CFAP20DC: variants seen among roughly 807,000 people sequenced by gnomAD.
CFAP20DC encodes the protein protein CFAP20DC.
A neutral mutation model predicts 101.7 loss-of-function variants in CFAP20DC; 84 were observed. The ratio of observed to expected loss-of-function variants is 0.83; its 90% CI spans 0.69 to 0.99. CFAP20DC has a LOEUF of 0.99. Ranked by LOEUF, CFAP20DC falls within the 50% of genes least tolerant of loss-of-function variation. The pLI is 0.00. For synonymous variants in CFAP20DC, 359 were observed against 351.2 expected, an observed-to-expected ratio of 1.02 and a Z score of -0.25; for missense variants, 1,007 against 970.3, an observed-to-expected ratio of 1.04 and a Z score of -0.50.
intron 16 of CFAP20DC, among the ~76,000 whole-genome samples, chr3:58,753,155 A>G (rs1284812973): frequency 6.6e-6 from 1 of 152,200 alleles, no homozygotes; most frequent in African/African-American, 2.4e-5. Context: ...CCAAACGAAC[A>G]CCTGGCAAAT....
intron 3 of CFAP20DC, among the ~76,000 whole-genome samples, chr3:58,718,666 G>T (rs993394591): frequency 3.3e-5 from 5 of 152,236 alleles, no homozygotes; most frequent in African/African-American, 1.2e-4. Flanking sequence ...CTCTCCATCT[G>T]TTTCCTTTGT....
chr3:58,730,032 A>G (rs533121174), intron 3 of CFAP20DC, among the ~76,000 whole-genome samples: 6 of 148,614 alleles, frequency 4.0e-5, no homozygotes, highest in South Asian at 2.1e-4. Context: ...AAAAAAAAAA[A>G]AAAAAAAGAA....
chr3:58,882,350 T>TGTCTTTAAATGTCTTA lies in CFAP20DC; in HGVS notation c.715+2194_715+2195insTAAGACATTTAAAGAC. Among the ~76,000 whole-genome samples the TGTCTTTAAATGTCTTA allele has an allele frequency of 6.6e-6, 1 of 152,196 alleles. No individual in the cohort carries two copies. The highest frequency in any genetic ancestry group is 1.5e-5 in the Non-Finnish European group (1 of 68,016). On this transcript the variant is annotated intron_variant, in intron 7 of 16. Transcript: ENST00000482387. This position sits in a 1 kb window ranked among gnomAD's most constrained non-coding sequence, Gnocchi z 4.2. Reference sequence around the variant, plus strand: ...AATTCCCATTTAATTTCACACATTATAAGTGTCCTTCAAATTTAAATTGAA... The same window carrying TGTCTTTAAATGTCTTA: ...AATTCCCATTTAATTTCACACATTATGTCTTTAAATGTCTTAAAGTGTCCTTCAAATTTAAATTGAA...
chr3:58,830,918 G>A (rs2076352236), intron 14 of CFAP20DC, among the ~76,000 whole-genome samples: 3 of 152,136 alleles, frequency 2.0e-5, no homozygotes, highest in East Asian at 1.9e-4. Flanking sequence ...TGAACTGTTC[G>A]ACTGTTGTTT....
At position 58,913,604 on chromosome 3, in the gene CFAP20DC, C is replaced by G; in HGVS notation, c.550+104G>C. ...CTGTTGACAAATTTACTTTAGCAGACATAACATCAAACTGCTACCACACAC... is the reference window on the plus strand; with the variant it reads ...CTGTTGACAAATTTACTTTAGCAGAGATAACATCAAACTGCTACCACACAC... On this transcript the variant is annotated intron_variant, in intron 6 of 16. Coordinates refer to ENST00000482387, the MANE Select transcript of CFAP20DC (RefSeq NM_001394063.1). The surrounding 1 kb of genome is among the most constrained non-coding windows in gnomAD (Gnocchi z 4.4). The G allele has an allele frequency of 1.8e-6, 2 of 1,124,502 alleles. No homozygotes were observed. Among genetic ancestry groups the G allele is most frequent in the Non-Finnish European group, 2.7e-6 (2 of 743,078 alleles). The allele number at this position is 1,124,502 out of a possible 1,614,324, so 69.7% of individuals were successfully genotyped here.
At chr3:58,857,969 A>T (rs1447203113) in intron 12 of CFAP20DC, among the ~76,000 whole-genome samples, 2 of 152,122 alleles carry the variant, frequency 1.3e-5, no homozygotes, top group East Asian at 3.9e-4. Flanking sequence ...TTTCTATATA[A>T]CATATAAATT....
intron 3 of CFAP20DC, among the ~76,000 whole-genome samples, chr3:59,044,987 GAC>G (rs57196071): frequency 0.095 from 13,259 of 139,296 alleles, 862 homozygotes; most frequent in East Asian, 0.36. Flanking sequence ...TCCTATTACA[GAC>G]ACACACACAC....
chr3:58,858,869 CTGT>C (rs2079035260), intron 12 of CFAP20DC, among the ~76,000 whole-genome samples: 1 of 152,144 alleles, frequency 6.6e-6, no homozygotes, highest in Non-Finnish European at 1.5e-5. Context: ...ATGTATACTT[CTGT>C]TGTTGACTAA....
At position 58,949,055 on chromosome 3, in the gene CFAP20DC, A is replaced by G. The variant is rs201926270; in HGVS notation, c.279-11293T>C. 3.3e-5 allele frequency among the ~76,000 whole-genome samples: 5 copies of G among 152,270 alleles called. No homozygotes were observed. In the East Asian group the frequency reaches 9.7e-4, roughly 29 times the overall value. On this transcript the variant is annotated intron_variant, in intron 4 of 16. Coordinates refer to ENST00000482387, the MANE Select transcript of CFAP20DC (RefSeq NM_001394063.1). ...GTCGAGGAATTTATCCATTTCTTCT[A>G]GATTTTCTAGTTTATTTGCGTAGAG...
At chr3:58,997,675 G>A (rs1253213230) in intron 4 of CFAP20DC, among the ~76,000 whole-genome samples, 1 of 152,170 alleles carries the variant, frequency 6.6e-6, no homozygotes, top group Admixed American at 6.5e-5. Context: ...CTCTGCCCTG[G>A]GCTTGGAAGA....
At chr3:58,796,926 A>T (rs148332125) in intron 15 of CFAP20DC, among the ~76,000 whole-genome samples, 61 of 152,114 alleles carry the variant, frequency 4.0e-4, no homozygotes, top group African/African-American at 1.2e-3. Flanking sequence ...TTGTTTTGGG[A>T]CACCAGGAAC....
At position 58,729,143 on chromosome 3, in the gene CFAP20DC, C is replaced by T. The variant is rs924637224; in HGVS notation, c.198-11515G>A. On this transcript the variant is annotated intron_variant, in intron 3 of 3. Transcript: ENST00000486145. The surrounding 1 kb of genome is among the most constrained non-coding windows in gnomAD (Gnocchi z 4.4). ...CATGAGAGACCCCAAGCCAGAACCA[C>T]TCAGTTAGAGCACTCCTGAATTTCT... is the stretch of plus-strand genomic sequence containing the variant. Among the ~76,000 whole-genome samples the T allele has an allele frequency of 2.0e-5, 3 of 152,178 alleles. No homozygotes were observed. Among genetic ancestry groups the T allele is most frequent in the Non-Finnish European group, 2.9e-5 (2 of 68,034 alleles).
intron 5 of CFAP20DC, among the ~76,000 whole-genome samples, chr3:58,935,204 T>A (rs1224380160): frequency 1.3e-5 from 2 of 152,052 alleles, no homozygotes; most frequent in South Asian, 2.1e-4. Context: ...CACCTAGGAA[T>A]CCAACTTACA....
Position 58,745,402 on chromosome 3 carries a change from T to TA in CFAP20DC, c.2333-2831dup, listed in dbSNP as rs537647126. 3.1e-3 allele frequency among the ~76,000 whole-genome samples: 467 copies of TA among 152,268 alleles called. 3 individuals carry two copies. Among genetic ancestry groups the TA allele is most frequent in the Middle Eastern group, 0.01 (3 of 294 alleles). ...CAGCTACTAAAGATTAATGAGGAGT[T>TA]AAACTGGAAGGCTCTACTGCTGAGT... On this transcript the variant is annotated intron_variant, in intron 16 of 16. Transcript: ENST00000482387.
chr3:58,770,554 T>C (rs1005815694), intron 15 of CFAP20DC, among the ~76,000 whole-genome samples: 1 of 152,134 alleles, frequency 6.6e-6, no homozygotes, highest in Non-Finnish European at 1.5e-5. Flanking sequence ...AGGATGAGAA[T>C]GAGGCAGCCA....
In CFAP20DC at chr3:58,890,463, C is replaced by T. The variant is rs1282716649; in HGVS notation, c.551-5754G>A. Among the ~76,000 whole-genome samples, 572 of 138,264 alleles carry T rather than the reference C, an allele frequency of 4.1e-3. 4 individuals are homozygous for T. Among genetic ancestry groups the T allele is most frequent in the African/African-American group, 0.015 (526 of 35,750 alleles). 90.7% of individuals were successfully genotyped at this position (138,264 alleles called of 152,430 possible). A position where few individuals can be genotyped will look rare whatever the true frequency, so the allele number is the denominator to read the frequency against. ...TGACCCCCCCCACGTCCCTCCCGGA[C>T]GGGGCGGCTGGTCGGGCAGAGGGGC... On this transcript the variant is annotated intron_variant, in intron 6 of 16. Transcript: ENST00000482387.
At chr3:58,818,207 C>A (rs948565340) in intron 14 of CFAP20DC, among the ~76,000 whole-genome samples, 1 of 151,842 alleles carries the variant, frequency 6.6e-6, no homozygotes, top group Non-Finnish European at 1.5e-5. Flanking sequence ...TAAAGACCAT[C>A]GAGACTAGAA....
intron 15 of CFAP20DC, among the ~76,000 whole-genome samples, chr3:58,801,042 G>A (rs1260459797): frequency 8.2e-6 from 1 of 122,334 alleles, no homozygotes; most frequent in Non-Finnish European, 1.6e-5. Context: ...GTGGGGGTGG[G>A]GAGTAAGTGA....
chr3:58,971,537 C>T lies in CFAP20DC; in HGVS notation c.279-33775G>A, dbSNP rs527529487. ...ATACATTCTCTTTTTCATTTTTACACGAAAATCTCACACATATTTAAATAG... is the reference window on the plus strand; with the variant it reads ...ATACATTCTCTTTTTCATTTTTACATGAAAATCTCACACATATTTAAATAG... On this transcript the variant is annotated intron_variant, in intron 4 of 16. Coordinates refer to ENST00000482387, the MANE Select transcript of CFAP20DC (RefSeq NM_001394063.1). This position sits in a 1 kb window ranked among gnomAD's most constrained non-coding sequence, Gnocchi z 4.1. Among the ~76,000 whole-genome samples, 19 of 151,842 alleles carry T rather than the reference C, an allele frequency of 1.3e-4. No homozygotes were observed. Among genetic ancestry groups the T allele is most frequent in the South Asian group, 2.1e-4 (1 of 4,810 alleles).
Sources: allele counts gnomAD v4.1 joint callset (sites outside exome capture counted in the v4.1 genomes callset), GRCh38; gene constraint gnomAD v4.1.1; non-coding constraint Gnocchi (gnomAD v3.1); transcripts MANE v1.5; gene names NCBI Gene and HGNC (gene_info 2026-07-23, HGNC 2026-07-21).